The following ROBO2 variants were observed in gnomAD, a reference collection of about 807,000 sequenced individuals.
ROBO2 encodes the protein roundabout guidance receptor 2, also known as roundabout homolog 2.
Under a neutral mutation model 160.8 loss-of-function variants are expected in ROBO2, and 53 were observed. That is an observed-to-expected ratio of 0.33 (90% confidence interval 0.26 to 0.41). The LOEUF (loss-of-function observed/expected upper bound fraction) is 0.41. Among genes scored for constraint, ROBO2 ranks in the 10% least tolerant of loss-of-function variants. The probability of loss-of-function intolerance (pLI) is 1.00; values close to 1 mark genes in which losing one functional copy is unlikely to be tolerated. For synonymous variants in ROBO2, 664 were observed against 611.7 expected (o/e 1.09, Z -1.26); for missense variants, 1,577 against 1,722.4 (o/e 0.92, Z 1.49).
chr3:77,643,897 A>G (rs1333807857), intron 24 of ROBO2, among the ~76,000 whole-genome samples: 1 of 152,158 alleles, frequency 6.6e-6, no homozygotes, highest in Non-Finnish European at 1.5e-5. Context: ...GAGAAAAATC[A>G]TGTGGTTCTT....
intron 16 of ROBO2, among the ~76,000 whole-genome samples, chr3:77,581,295 AT>A: frequency 6.6e-6 from 1 of 152,116 alleles, no homozygotes; most frequent in South Asian, 2.1e-4. Flanking sequence ...TAATAGTGTC[AT>A]TTGATGAACA....
intron 5 of ROBO2, among the ~76,000 whole-genome samples, chr3:77,508,817 A>T (rs1346706007): frequency 6.6e-6 from 1 of 152,132 alleles, no homozygotes; most frequent in Non-Finnish European, 1.5e-5. Context: ...ATTTTTTTAA[A>T]AAACAACATT....
At chr3:76,705,838 A>G (rs558193933) in intron 2 of ROBO2, among the ~76,000 whole-genome samples, 1 of 152,140 alleles carries the variant, frequency 6.6e-6, no homozygotes. Flanking sequence ...AGTTGAATTT[A>G]AAGCTGTGAC....
At chr3:76,644,247 A>G (rs1261393520) in intron 2 of ROBO2, among the ~76,000 whole-genome samples, 1 of 152,186 alleles carries the variant, frequency 6.6e-6, no homozygotes, top group Non-Finnish European at 1.5e-5. Context: ...GACTGAAACT[A>G]TCCACATTTG....
chr3:77,268,764 A>C (rs1443061499), intron 2 of ROBO2, among the ~76,000 whole-genome samples: 1 of 152,048 alleles, frequency 6.6e-6, no homozygotes, highest in Non-Finnish European at 1.5e-5. Context: ...CTAAAGTTGA[A>C]TTTTTGTATC....
At chr3:77,386,715 G>A (rs1398270010) in intron 2 of ROBO2, among the ~76,000 whole-genome samples, 2 of 148,096 alleles carry the variant, frequency 1.4e-5, no homozygotes, top group South Asian at 2.2e-4. Flanking sequence ...TGATTCTCGT[G>A]CCTCGGCCTC....
intron 2 of ROBO2, among the ~76,000 whole-genome samples, chr3:76,927,929 A>G (rs2077086333): frequency 6.6e-6 from 1 of 152,200 alleles, no homozygotes; most frequent in Admixed American, 6.6e-5. Flanking sequence ...TTACAAAAAT[A>G]GAATGAAAAG....
intron 7 of ROBO2, 126 bp downstream of exon 8, chr3:77,546,588 T>C (rs2153649412): frequency 8.3e-7 from 1 of 1,211,934 alleles, no homozygotes; most frequent in Non-Finnish European, 1.2e-6. Flanking sequence ...AAAAAGAGAC[T>C]GGTGAATGTA....
At chr3:76,093,181 T>C (rs2069301379) in intron 2 of ROBO2, among the ~76,000 whole-genome samples, 1 of 152,118 alleles carries the variant, frequency 6.6e-6, no homozygotes, top group Non-Finnish European at 1.5e-5. Flanking sequence ...ATGATACATA[T>C]TTTACCCATG....
intron 2 of ROBO2, among the ~76,000 whole-genome samples, chr3:76,143,289 C>T (rs373170419): frequency 1.0e-3 from 159 of 152,128 alleles, no homozygotes; most frequent in African/African-American, 3.4e-3. Flanking sequence ...CCTCTGCCTC[C>T]GAAAGTGTTG....
At chr3:77,467,614 T>A (rs1560918256) in intron 2 of ROBO2, among the ~76,000 whole-genome samples, 2 of 150,540 alleles carry the variant, frequency 1.3e-5, no homozygotes, top group African/African-American at 4.8e-5. Flanking sequence ...TATCTATCTA[T>A]CTATCTATCT....
At chr3:77,563,018 A>G in intron 10 of ROBO2, 149 bp from the exon 12 acceptor site, 1 of 729,844 alleles carries the variant, frequency 1.4e-6, no homozygotes. Context: ...CATGTAGGAG[A>G]AGCAAACATT....
intron 2 of ROBO2, among the ~76,000 whole-genome samples, chr3:76,563,520 G>T (rs1362957945): frequency 6.6e-6 from 1 of 152,114 alleles, no homozygotes; most frequent in Non-Finnish European, 1.5e-5. Context: ...ATTATATTAT[G>T]ATGGGTTAAT....
upstream of ROBO2, among the ~76,000 whole-genome samples, chr3:77,039,691 C>T (rs967123570): frequency 2.0e-5 from 3 of 152,024 alleles, no homozygotes; most frequent in African/African-American, 7.2e-5. Flanking sequence ...CCCCAGCGGG[C>T]GGGTGGCCGA....
At chr3:76,248,660 T>TA (rs551143290) in intron 2 of ROBO2, among the ~76,000 whole-genome samples, 8,184 of 115,814 alleles carry the variant, frequency 0.071, 616 homozygotes, top group African/African-American at 0.21. Flanking sequence ...AAAAAAAACT[T>TA]AAAAAAAAAA....
At chr3:77,354,444 GAATTTGCATCTA>G (rs1297005602) in intron 2 of ROBO2, among the ~76,000 whole-genome samples, 3 of 84,956 alleles carry the variant, frequency 3.5e-5, no homozygotes, top group Admixed American at 2.4e-4. Flanking sequence ...TTTGCATCAT[GAATTTGCATCTA>G]AAGTCTGGAA....
chr3:76,430,696 A>C (rs2076400185), intron 2 of ROBO2, among the ~76,000 whole-genome samples: 1 of 151,958 alleles, frequency 6.6e-6, no homozygotes, highest in African/African-American at 2.4e-5. Flanking sequence ...ATTTATGAAA[A>C]TCTCTGTAAA....
intron 2 of ROBO2, among the ~76,000 whole-genome samples, chr3:76,958,328 A>T (rs538025235): frequency 6.6e-6 from 1 of 152,286 alleles, no homozygotes; most frequent in South Asian, 2.1e-4. Flanking sequence ...AGAGGGGAAA[A>T]AATGAAATAA....
intron 2 of ROBO2, among the ~76,000 whole-genome samples, chr3:75,975,977 C>A (rs2065122828): frequency 6.6e-6 from 1 of 151,394 alleles, no homozygotes; most frequent in Non-Finnish European, 1.5e-5. Flanking sequence ...CCAGTCACTG[C>A]CATGCAATTC....
Sources: gnomAD v4.1 joint callset for allele counts (sites outside exome capture counted in the v4.1 genomes callset) on GRCh38, gnomAD v4.1.1 for gene constraint, MANE v1.5 for transcripts, NCBI Gene and HGNC (gene_info 2026-07-23, HGNC 2026-07-21) for gene names.